PAX7: variants seen among roughly 807,000 people sequenced by gnomAD.
PAX7 encodes paired box protein Pax-7.
A neutral mutation model predicts 50.7 loss-of-function variants in PAX7; 18 were observed. The observed-to-expected ratio is 0.36, with a 90% CI of 0.25 to 0.53. The LOEUF (loss-of-function observed/expected upper bound fraction) is 0.53, where lower values mean the gene tolerates loss of function less well. Ranked by LOEUF, PAX7 falls within the 20% of genes least tolerant of loss-of-function variation. The pLI, the probability that PAX7 is intolerant of heterozygous loss-of-function variation, is 0.93. For missense variants in PAX7, 644 were observed against 702.9 expected, an observed-to-expected ratio of 0.92 and a Z score of 0.95; for synonymous variants, 310 against 290.4, an observed-to-expected ratio of 1.07 and a Z score of -0.69.
rs139149048 is a variant in PAX7 at position 18,664,880 on chromosome 1, G to A, written c.587-26874G>A. 1.5e-3 allele frequency among the ~76,000 whole-genome samples: 233 copies of A among 152,292 alleles called. 1 individual carries two copies. The highest frequency in any genetic ancestry group is 9.8e-3 in the South Asian group (47 of 4,820). On this transcript the variant is annotated intron_variant, in intron 4 of 8. Transcript: ENST00000420770. ...GACTGGATGATGTGTTCCCTTTCCA[G>A]GGAGCGTGCTTCTTGACAGGGCCTA...
intron 4 of PAX7, among the ~76,000 whole-genome samples, chr1:18,659,390 C>G (rs1157981025): frequency 1.3e-5 from 2 of 152,188 alleles, no homozygotes; most frequent in Admixed American, 6.5e-5. Flanking sequence ...TTTCCCTCCC[C>G]CTCCTTTCCA....
intron 4 of PAX7, among the ~76,000 whole-genome samples, chr1:18,653,218 C>T (rs766449667): frequency 2.9e-4 from 43 of 149,934 alleles, no homozygotes; most frequent in African/African-American, 1.0e-3. Context: ...TTTTTTTACA[C>T]GAATGGGCTT....
intron 7 of PAX7, among the ~76,000 whole-genome samples, chr1:18,706,463 T>C (rs1472247427): frequency 4.6e-3 from 670 of 145,568 alleles, no homozygotes; most frequent in Middle Eastern, 0.025. Flanking sequence ...TCTCTCTCTT[T>C]TTTTTTTTTT....
chr1:18,678,900 A>G (rs2088860123), intron 4 of PAX7, among the ~76,000 whole-genome samples: 1 of 152,170 alleles, frequency 6.6e-6, no homozygotes, highest in African/African-American at 2.4e-5. Flanking sequence ...GCCCATCGCG[A>G]TGGTTAAGAG....
At chr1:18,684,280 G>A (rs906805186) in intron 4 of PAX7, among the ~76,000 whole-genome samples, 10 of 152,234 alleles carry the variant, frequency 6.6e-5, no homozygotes, top group Non-Finnish European at 1.3e-4. Context: ...CATGAGAGGC[G>A]TGAAGGGAGA....
intron 4 of PAX7, among the ~76,000 whole-genome samples, chr1:18,655,976 G>T (rs867606723): frequency 6.6e-6 from 1 of 152,096 alleles, no homozygotes. Flanking sequence ...GACTTGAGCT[G>T]GAATCGGCCT....
chr1:18,691,634 T>C, intron 4 of PAX7, 120 bp from the exon 5 acceptor site: 1 of 767,982 alleles, frequency 1.3e-6, no homozygotes, highest in Non-Finnish European at 2.1e-6. Flanking sequence ...AGGAGTCTGA[T>C]CGAAGTGCAG....
Position 18,660,208 on chromosome 1 carries a change from C to T in PAX7, c.586+23837C>T, listed in dbSNP as rs562191374. On this transcript the variant is annotated intron_variant, in intron 4 of 8. Coordinates refer to ENST00000420770, the MANE Select transcript of PAX7 (RefSeq NM_001135254.2). ...TCTTTGACTTAGACCAACTCAAGTTCGAATCCTGGCTCTGCCACTTGCTGG... is the reference window on the plus strand; with the variant it reads ...TCTTTGACTTAGACCAACTCAAGTTTGAATCCTGGCTCTGCCACTTGCTGG... 5.3e-5 allele frequency among the ~76,000 whole-genome samples: 8 copies of T among 152,228 alleles called. No individual in the cohort carries two copies. The East Asian group carries it at 9.7e-4, about 18-fold the overall frequency.
At chr1:18,706,281 C>T (rs534239941) in intron 7 of PAX7, among the ~76,000 whole-genome samples, 8 of 152,156 alleles carry the variant, frequency 5.3e-5, no homozygotes, top group Non-Finnish European at 1.0e-4. Context: ...CTCTTCCCAA[C>T]AGGACCGGCT....
rs748740315 is a variant in PAX7, at chr1:18,703,312, C to G, written c.1155+16C>G. The G allele has an allele frequency of 1.2e-6, 2 of 1,610,330 alleles. No individual in the cohort carries two copies. The highest frequency in any genetic ancestry group is 1.7e-6 in the Non-Finnish European group (2 of 1,178,032). On this transcript the variant is annotated intron_variant, in intron 7 of 8. Transcript: ENST00000420770. ...GTCTCCTCAGGTAGGTGGTCTCAGC[C>G]CAGCACCCAGGATCCCACCGCCACG...
At position 18,631,423 on chromosome 1, in the gene PAX7, A is replaced by T. The variant is rs937036235; in HGVS notation, c.-181A>T. On this transcript the variant is annotated 5_prime_UTR_variant, in exon 1 of 9. Transcript: ENST00000420770. ...CCTCACCCCCCTCCCCAGCTTCTGG[A>T]CGCGTTTGACTGCAGCCAGGGGTGG... 9 of 587,194 alleles carry T rather than the reference A, an allele frequency of 1.5e-5. No homozygotes were observed. In the African/African-American group the frequency reaches 1.7e-4, roughly 11 times the overall value. The allele number at this position is 587,194 out of a possible 1,614,324, so 36.4% of individuals were successfully genotyped here.
At chr1:18,717,936 C>T (rs777573919) in intron 7 of PAX7, among the ~76,000 whole-genome samples, 5 of 152,196 alleles carry the variant, frequency 3.3e-5, no homozygotes, top group African/African-American at 7.2e-5. Flanking sequence ...GGAGAAATAC[C>T]GTCTTGACGG....
intron 4 of PAX7, among the ~76,000 whole-genome samples, chr1:18,673,290 G>A (rs942241478): frequency 2.4e-4 from 37 of 152,180 alleles, no homozygotes; most frequent in African/African-American, 7.2e-4. Flanking sequence ...AGGCAAGAGC[G>A]TCATAGACAC....
intron 7 of PAX7, among the ~76,000 whole-genome samples, chr1:18,711,341 G>A (rs924676963): frequency 2.6e-5 from 4 of 152,102 alleles, no homozygotes; most frequent in African/African-American, 9.7e-5. Context: ...GTGCAAGTAG[G>A]AGCTCACTAA....
At chr1:18,721,761 G>A (rs997807716) in intron 7 of PAX7, among the ~76,000 whole-genome samples, 6 of 152,188 alleles carry the variant, frequency 3.9e-5, no homozygotes, top group Non-Finnish European at 7.3e-5. Flanking sequence ...GGCAGTTGTC[G>A]GACCATGTCT....
intron 5 of PAX7, among the ~76,000 whole-genome samples, chr1:18,693,490 C>A (rs1268533889): frequency 6.6e-6 from 1 of 152,190 alleles, no homozygotes; most frequent in Non-Finnish European, 1.5e-5. Context: ...GGGAAATGAA[C>A]AAGCTGAGTC....
chr1:18,677,745 G>T (rs1265371011), intron 4 of PAX7, among the ~76,000 whole-genome samples: 1 of 152,124 alleles, frequency 6.6e-6, no homozygotes, highest in Non-Finnish European at 1.5e-5. Context: ...GAGGGTCCGT[G>T]GCTTCTTTAT....
chr1:18,669,016 G>C (rs1349914048), intron 4 of PAX7, among the ~76,000 whole-genome samples: 1 of 152,202 alleles, frequency 6.6e-6, no homozygotes, highest in African/African-American at 2.4e-5. Context: ...GCTTCCTCAA[G>C]TTTCCTCCTG....
At chr1:18,727,572 G>A (rs573260190) in intron 7 of PAX7, among the ~76,000 whole-genome samples, 34 of 152,216 alleles carry the variant, frequency 2.2e-4, no homozygotes, top group East Asian at 5.8e-4. Flanking sequence ...TGGGTGAGCC[G>A]CTAAGCCTCA....
Sources: gnomAD v4.1 joint callset for allele counts (sites outside exome capture counted in the v4.1 genomes callset) on GRCh38, gnomAD v4.1.1 for gene constraint, MANE v1.5 for transcripts, NCBI Gene and HGNC (gene_info 2026-07-23, HGNC 2026-07-21) for gene names.